The following RELN variants were observed in gnomAD, a reference collection of about 807,000 sequenced individuals.
RELN encodes the protein reelin.
In RELN, 108 loss-of-function variants were observed where a neutral mutation model predicts 427.6. The ratio of observed to expected loss-of-function variants is 0.25; its 90% CI spans 0.22 to 0.30. The LOEUF (loss-of-function observed/expected upper bound fraction) is 0.30. Among genes scored for constraint, RELN ranks in the 10% least tolerant of loss-of-function variants. The pLI, the probability that RELN is intolerant of heterozygous loss-of-function variation, is 1.00. For synonymous variants in RELN, 1,524 were observed against 1,513.4 expected, an observed-to-expected ratio of 1.01 and a Z score of -0.16; for missense variants, 3,715 against 4,302.8, an observed-to-expected ratio of 0.86 and a Z score of 3.82.
intron 4 of RELN, among the ~76,000 whole-genome samples, chr7:103,760,292 C>G (rs1791266451): frequency 6.6e-6 from 1 of 151,820 alleles, no homozygotes; most frequent in Non-Finnish European, 1.5e-5. Flanking sequence ...CATTTCTGTG[C>G]ATATGCTCTT....
At chr7:103,616,013 T>A (rs1832071314) in intron 20 of RELN, among the ~76,000 whole-genome samples, 2 of 152,068 alleles carry the variant, frequency 1.3e-5, no homozygotes, top group Admixed American at 6.6e-5. Flanking sequence ...AAAAGCAAAT[T>A]CATGTCAAAG....
chr7:103,513,096 G>A (rs561351986), intron 50 of RELN: 79 of 152,312 alleles, frequency 5.2e-4, no homozygotes, highest in African/African-American at 1.9e-3. Context: ...AAAGTGCACA[G>A]AAATTTGAAT....
At chr7:103,969,803 T>C (rs1230608208) in intron 1 of RELN, among the ~76,000 whole-genome samples, 1 of 152,202 alleles carries the variant, frequency 6.6e-6, no homozygotes, top group Non-Finnish European at 1.5e-5. Flanking sequence ...AAACATATAT[T>C]ATATCTCATT....
intron 2 of RELN, among the ~76,000 whole-genome samples, chr7:103,843,266 A>G (rs1370851606): frequency 6.6e-6 from 1 of 151,894 alleles, no homozygotes; most frequent in African/African-American, 2.4e-5. Context: ...GTGCACTGGT[A>G]TGATCACAGC....
chr7:103,588,697 A>G (rs1831336926), intron 28 of RELN, among the ~76,000 whole-genome samples: 1 of 152,214 alleles, frequency 6.6e-6, no homozygotes, highest in African/African-American at 2.4e-5. Flanking sequence ...AGATTTTCAG[A>G]CAGCATATCC....
At chr7:103,821,544 A>G (rs1793014751) in intron 3 of RELN, among the ~76,000 whole-genome samples, 1 of 152,150 alleles carries the variant, frequency 6.6e-6, no homozygotes, top group African/African-American at 2.4e-5. Flanking sequence ...GGCGGTAACC[A>G]AAATTAAAGA....
At chr7:103,837,988 A>G (rs1793450610) in intron 2 of RELN, among the ~76,000 whole-genome samples, 1 of 152,234 alleles carries the variant, frequency 6.6e-6, no homozygotes, top group South Asian at 2.1e-4. Flanking sequence ...TGGGTGGATC[A>G]TGAGGTAAGG....
chr7:103,638,621 A>T (rs1217503261), intron 17 of RELN, among the ~76,000 whole-genome samples: 1 of 152,226 alleles, frequency 6.6e-6, no homozygotes, highest in Non-Finnish European at 1.5e-5. Context: ...TAGTAGTCAA[A>T]CTTTTAGCCC....
intron 31 of RELN, among the ~76,000 whole-genome samples, chr7:103,571,354 T>C (rs974698681): frequency 5.9e-5 from 9 of 152,198 alleles, no homozygotes; most frequent in African/African-American, 1.9e-4. Context: ...ATCATATCTG[T>C]AGAGCTCCCA....
intron 24 of RELN, among the ~76,000 whole-genome samples, chr7:103,597,313 G>T (rs909205257): frequency 2.0e-5 from 3 of 152,124 alleles, no homozygotes; most frequent in Non-Finnish European, 2.9e-5. Context: ...AAAAGAAAGA[G>T]TACTTGAGGC....
chr7:103,728,480 A>G (rs1425506153), intron 6 of RELN, among the ~76,000 whole-genome samples: 1 of 152,164 alleles, frequency 6.6e-6, no homozygotes, highest in Non-Finnish European at 1.5e-5. Context: ...GAGGCTAACC[A>G]TACTGATCTA....
intron 44 of RELN, 163 bp from the exon 45 acceptor site, chr7:103,539,490 T>C: frequency 1.5e-6 from 1 of 677,524 alleles, no homozygotes; most frequent in Non-Finnish European, 2.5e-6. Context: ...AATGCTCTTG[T>C]TTATGTCTGC....
At chr7:103,680,121 T>A (rs980023442) in intron 11 of RELN, among the ~76,000 whole-genome samples, 2 of 151,988 alleles carry the variant, frequency 1.3e-5, no homozygotes, top group East Asian at 3.9e-4. Flanking sequence ...CCCCAAACAA[T>A]AAGAGCAAGT....
chr7:103,833,609 C>G lies in RELN; in HGVS notation c.401G>C (p.Ser134Thr), dbSNP rs1399507011. The change falls in exon 3 of 65, where the codon AGT (serine) becomes ACT (threonine). Residue 134 changes from serine to threonine, a missense_variant. Around this residue, in one of 4 missense-constraint regions of RELN, gnomAD observed 2,208 missense variants for 2,361.7 expected, o/e 0.93. Coordinates refer to ENST00000428762, the MANE Select transcript of RELN (RefSeq NM_005045.4). ...FMCSVVASHV[S>T]HLPTTNLSFI... ...ACTGAGGTTGGTTGTGGGCAGGTGA[C>G]TCACGTGAGAGGCTACCACACTGCA... The G allele has an allele frequency of 1.9e-6, 3 of 1,613,680 alleles. No homozygotes were observed. In the African/African-American group the frequency reaches 4.0e-5, roughly 22 times the overall value.
intron 6 of RELN, among the ~76,000 whole-genome samples, chr7:103,735,139 A>C (rs1188941170): frequency 6.6e-6 from 1 of 152,208 alleles, no homozygotes; most frequent in African/African-American, 2.4e-5. Context: ...AACTAGGATC[A>C]AACCATAAAC....
chr7:103,801,066 A>T (rs1281789875), intron 3 of RELN, among the ~76,000 whole-genome samples: 1 of 152,224 alleles, frequency 6.6e-6, no homozygotes, highest in Admixed American at 6.5e-5. Context: ...GTGGTCACTA[A>T]AAAGTCAGGA....
Position 103,652,606 on chromosome 7 carries a change from G to A in RELN, c.1708C>T (p.His570Tyr), listed in dbSNP as rs374546580. The change falls in exon 14 of 65, where the codon CAC becomes TAC. Residue 570 changes from histidine (H) to tyrosine (Y), a missense_variant. Transcript: ENST00000428762. Reference protein sequence around the residue: ...VLPVLPSTMSHMIQFSINLGC... With the variant: ...VLPVLPSTMSYMIQFSINLGC... ...AGATTGATGGAAAACTGTATCATGT[G>A]AGACATTGTAGAAGGGAGAACAGGC... 3 of 1,612,928 alleles carry A rather than the reference G, an allele frequency of 1.9e-6. No individual in the cohort carries two copies. The highest frequency in any genetic ancestry group is 2.5e-6 in the Non-Finnish European group (3 of 1,179,282).
At chr7:103,818,062 G>T (rs262362) in intron 3 of RELN, among the ~76,000 whole-genome samples, 76,719 of 151,518 alleles carry the variant, frequency 0.51, 19,673 homozygotes, top group Admixed American at 0.6. Flanking sequence ...TCACACTAGT[G>T]ATTCCACTAA....
chr7:103,909,424 A>C (rs1795289032), intron 2 of RELN, among the ~76,000 whole-genome samples: 1 of 151,190 alleles, frequency 6.6e-6, no homozygotes, highest in African/African-American at 2.4e-5. Context: ...ATGAAGTACA[A>C]TTTTTATTAA....
Sources: gnomAD v4.1 joint callset for allele counts (sites outside exome capture counted in the v4.1 genomes callset) on GRCh38, gnomAD v4.1.1 for gene constraint, gnomAD v4.1.1 regional missense constraint, MANE v1.5 for transcripts, NCBI Gene and HGNC (gene_info 2026-07-23, HGNC 2026-07-21) for gene names.